The following AAGAB variants were observed in gnomAD, a reference collection of about 807,000 sequenced individuals.
AAGAB encodes the protein alpha and gamma adaptin binding protein, also known as alpha- and gamma-adaptin-binding protein p34.
AAGAB carries 38 observed loss-of-function variants against 44.1 expected under a neutral mutation model. That is an observed-to-expected ratio of 0.86 (90% confidence interval 0.67 to 1.13). The LOEUF is 1.13. Ranked by LOEUF, AAGAB falls within the 50% of genes most tolerant of loss-of-function variation. The probability of loss-of-function intolerance (pLI) is 0.00; values close to 1 mark genes in which losing one functional copy is unlikely to be tolerated. For synonymous variants in AAGAB, 131 were observed against 131.8 expected (o/e 0.99, Z 0.04); for missense variants, 450 against 373.8 (o/e 1.20, Z -1.68).
At chr15:67,220,792 T>G (rs1466680094) in intron 5 of AAGAB, among the ~76,000 whole-genome samples, 1 of 152,218 alleles carries the variant, frequency 6.6e-6, no homozygotes, top group Non-Finnish European at 1.5e-5. Context: ...TTAGGCCAAG[T>G]ACTTCTCAAC....
chr15:67,214,745 G>A (rs1353957491), intron 5 of AAGAB, among the ~76,000 whole-genome samples: 6 of 151,926 alleles, frequency 3.9e-5, no homozygotes, highest in South Asian at 2.1e-4. Flanking sequence ...GGTTCAGGCC[G>A]TTCTCCTGCC....
chr15:67,203,843 T>C (rs1963623641), intron 8 of AAGAB, among the ~76,000 whole-genome samples: 1 of 151,800 alleles, frequency 6.6e-6, no homozygotes, highest in Non-Finnish European at 1.5e-5. Context: ...GCAGGAAAAG[T>C]AAAAAGAAAG....
chr15:67,209,098 G>T (rs748600139), intron 6 of AAGAB, among the ~76,000 whole-genome samples: 1 of 152,204 alleles, frequency 6.6e-6, no homozygotes, highest in Non-Finnish European at 1.5e-5. Context: ...GTTGAAACTG[G>T]ACTACAAGCT....
intron 5 of AAGAB, among the ~76,000 whole-genome samples, chr15:67,210,968 C>G (rs1963804874): frequency 1.3e-5 from 2 of 152,234 alleles, no homozygotes; most frequent in Non-Finnish European, 2.9e-5. Flanking sequence ...CTACTCGCAT[C>G]TCTCTTTCTC....
chr15:67,218,919 G>C (rs952097060), intron 5 of AAGAB, among the ~76,000 whole-genome samples: 1 of 152,170 alleles, frequency 6.6e-6, no homozygotes, highest in Non-Finnish European at 1.5e-5. Context: ...AGACGGTATA[G>C]ACAAGGAAAA....
rs1165212203 is a variant in AAGAB at position 67,216,459 on chromosome 15, A to C, written c.536-6915T>G. Among the ~76,000 whole-genome samples the C allele has an allele frequency of 5.0e-4, 75 of 149,496 alleles. 1 individual carries two copies. Among genetic ancestry groups the C allele is most frequent in the African/African-American group, 1.8e-3 (72 of 40,976 alleles). ...TCACTCTTGAAAAAAAAAAAAAAAA[A>C]AAAAAAAAACAAGAAGAAAATTAAA... On this transcript the variant is annotated intron_variant, in intron 5 of 9. Coordinates refer to ENST00000261880, the MANE Select transcript of AAGAB (RefSeq NM_024666.5).
chr15:67,219,360 T>C (rs1964017838), intron 5 of AAGAB, among the ~76,000 whole-genome samples: 2 of 152,202 alleles, frequency 1.3e-5, no homozygotes, highest in Non-Finnish European at 2.9e-5. Flanking sequence ...AATGTCCCTG[T>C]TTCTTCTGCA....
chr15:67,222,282 A>ACACACACACACACACAC (rs796412643), intron 5 of AAGAB, among the ~76,000 whole-genome samples: 2 of 139,850 alleles, frequency 1.4e-5, no homozygotes, highest in Non-Finnish European at 3.1e-5. Flanking sequence ...ACACACACAC[A>ACACACACACACACACAC]CCCTCCACCC....
intron 1 of AAGAB, 119 bp downstream of exon 1, chr15:67,254,440 C>G: frequency 6.9e-7 from 1 of 1,457,196 alleles, no homozygotes; most frequent in Non-Finnish European, 9.1e-7. Flanking sequence ...CCTCCACTGA[C>G]TGGAGGAAGA....
chr15:67,204,801 A>T (rs1040591539), intron 7 of AAGAB, among the ~76,000 whole-genome samples: 3 of 151,900 alleles, frequency 2.0e-5, no homozygotes, highest in Non-Finnish European at 4.4e-5. Flanking sequence ...CTCCTTCTCC[A>T]CTCCAGGCCC....
upstream of AAGAB, chr15:67,254,926 T>C (rs769739034): frequency 6.2e-7 from 1 of 1,613,824 alleles, no homozygotes; most frequent in Non-Finnish European, 8.5e-7. Context: ...ACCACGACCC[T>C]GTCGGATCCA....
At chr15:67,240,898 G>A (rs1238662782) in intron 1 of AAGAB, among the ~76,000 whole-genome samples, 1 of 152,046 alleles carries the variant, frequency 6.6e-6, no homozygotes, top group African/African-American at 2.4e-5. Flanking sequence ...TACAAATGTG[G>A]TAACCAATCA....
upstream of AAGAB, chr15:67,255,122 C>A (rs1264403469): frequency 1.2e-5 from 8 of 652,326 alleles, no homozygotes; most frequent in Non-Finnish European, 2.2e-5. Flanking sequence ...GCCCAGCACA[C>A]TCCCGGTGAC....
At chr15:67,250,774 C>T (rs1435380406) in intron 1 of AAGAB, among the ~76,000 whole-genome samples, 1 of 152,110 alleles carries the variant, frequency 6.6e-6, no homozygotes. Context: ...TGCTTGTAAT[C>T]CCAGCACTTT....
intron 1 of AAGAB, among the ~76,000 whole-genome samples, chr15:67,240,918 A>G (rs1384533425): frequency 6.6e-6 from 1 of 152,142 alleles, no homozygotes; most frequent in Non-Finnish European, 1.5e-5. Context: ...AAATGAAAGA[A>G]AAGAGGCAGC....
chr15:67,224,977 T>C (rs954022574), intron 5 of AAGAB, among the ~76,000 whole-genome samples: 2 of 152,232 alleles, frequency 1.3e-5, no homozygotes, highest in Non-Finnish European at 2.9e-5. Flanking sequence ...TTTATTCCCA[T>C]GGATTAAACA....
upstream of AAGAB, chr15:67,255,110 C>A (rs1965091204): frequency 1.5e-6 from 1 of 679,332 alleles, no homozygotes; most frequent in Non-Finnish European, 2.7e-6. Context: ...CCTTCCCCCA[C>A]GGCCCAGCAC....
upstream of AAGAB, chr15:67,254,765 A>G (rs1217851145): frequency 1.1e-5 from 15 of 1,319,210 alleles, no homozygotes; most frequent in South Asian, 2.5e-5. Context: ...CCGCCCCTAG[A>G]CCCCCTTCCG....
At chr15:67,208,034 G>C (rs1472612407) in intron 7 of AAGAB, among the ~76,000 whole-genome samples, 1 of 152,190 alleles carries the variant, frequency 6.6e-6, no homozygotes, top group Non-Finnish European at 1.5e-5. Context: ...TGTCAAGTAA[G>C]CTCCTTGGTT....
Sources: gnomAD v4.1 joint callset for allele counts (sites outside exome capture counted in the v4.1 genomes callset) on GRCh38, gnomAD v4.1.1 for gene constraint, MANE v1.5 for transcripts, NCBI Gene and HGNC (gene_info 2026-07-23, HGNC 2026-07-21) for gene names.